PKD1L3: variants seen among roughly 807,000 people sequenced by gnomAD.
PKD1L3 encodes the protein polycystin 1 like 3, transient receptor potential channel interacting.
PKD1L3 carries 239 observed loss-of-function variants against 184.1 expected under a neutral mutation model. The ratio of observed to expected loss-of-function variants is 1.30; its 90% CI spans 1.17 to 1.45. PKD1L3 has a LOEUF of 1.45. Among genes scored for constraint, PKD1L3 ranks in the 40% most tolerant of loss-of-function variants. The pLI is 0.00. For missense variants in PKD1L3, 2,660 were observed against 2,067.2 expected (o/e 1.29, Z -5.56); for synonymous variants, 996 against 778.8 (o/e 1.28, Z -4.64).
Position 71,950,329 on chromosome 16 carries a change from T to C in PKD1L3, c.3191-19A>G, listed in dbSNP as rs539689407. The C allele has an allele frequency of 4.0e-6, 6 of 1,503,626 alleles. No individual in the cohort carries two copies. The African/African-American group carries it at 8.4e-5, about 21-fold the overall frequency. 93.1% of individuals were successfully genotyped at this position (1,503,626 alleles called of 1,614,324 possible). A position where few individuals can be genotyped will look rare whatever the true frequency, so the allele number is the denominator to read the frequency against. ...GGAACAACTGAAAATATATTTCAAG[T>C]TGACACTTTCACAAGTGGATTTCAA... On this transcript the variant is annotated intron_variant, in intron 19 of 29. Coordinates refer to ENST00000620267, the MANE Select transcript of PKD1L3 (RefSeq NM_181536.2).
rs1567518756 is a variant in PKD1L3, at chr16:71,963,216, GA to G, written c.2600del (p.Leu867ProfsTer11). Reference sequence around the variant, plus strand: ...TTTTCCAACAGTACCTAAAGGAAAAGAGCTCTCTCTTTGAAACTGGGATGAA... The same window carrying G: ...TTTTCCAACAGTACCTAAAGGAAAAGGCTCTCTCTTTGAAACTGGGATGAA... Reference protein sequence around the residue: ...RVFIPVSKRELFSFRHLFSSM... With the variant: ...RVFIPVSKREXFSFRHLFSSM... On this transcript the variant is annotated frameshift_variant, in exon 16 of 30. Transcript: ENST00000620267. LOFTEE classifies it high-confidence loss of function. 8 of 1,549,422 alleles carry G rather than the reference GA, an allele frequency of 5.2e-6. No individual in the cohort carries two copies. The highest frequency in any genetic ancestry group is 7.0e-6 in the Non-Finnish European group (8 of 1,145,982).
chr16:71,983,904 C>G (rs975878530), intron 6 of PKD1L3, 132 bp downstream of exon 6: 1 of 1,253,450 alleles, frequency 8.0e-7, no homozygotes, highest in Admixed American at 2.7e-5. Context: ...CTCATGTGAT[C>G]CGCCCGCCTC....
Position 71,984,151 on chromosome 16 carries a change from G to C in PKD1L3, c.851C>G (p.Ala284Gly), listed in dbSNP as rs1339978956. The change falls in exon 6 of 30, where the codon GCA becomes GGA. Residue 284 changes from alanine (A) to glycine (G), a missense_variant. Ala to Gly is a moderately conservative substitution (Grantham distance 60). Transcript: ENST00000620267. The stretch of plus-strand genomic sequence containing the variant: ...ATGAACTGCTCTGCTGAAGTTCCCT[G>C]CTATCTCATCTATGACCTATTGGGA... ...KASGQVIDEI[A>G]GNFSRAVHGL... 1.9e-6 allele frequency: 3 copies of C among 1,551,480 alleles called. No individual in the cohort carries two copies. The highest frequency in any genetic ancestry group is 2.6e-6 in the Non-Finnish European group (3 of 1,146,754).
At chr16:71,957,835 A>G (rs1238310165) in intron 16 of PKD1L3, among the ~76,000 whole-genome samples, 1 of 152,180 alleles carries the variant, frequency 6.6e-6, no homozygotes, top group Non-Finnish European at 1.5e-5. Flanking sequence ...ATAGGACAAA[A>G]TATACTTCAA....
At chr16:71,992,146 T>C (rs1315610415) in intron 3 of PKD1L3, among the ~76,000 whole-genome samples, 1 of 152,102 alleles carries the variant, frequency 6.6e-6, no homozygotes, top group Non-Finnish European at 1.5e-5. Context: ...ATTACAGGTG[T>C]GAGCAAATGT....
intron 22 of PKD1L3, among the ~76,000 whole-genome samples, chr16:71,944,661 G>C (rs2038491538): frequency 6.6e-6 from 1 of 151,832 alleles, no homozygotes; most frequent in African/African-American, 2.4e-5. Context: ...AGGAGTTTGA[G>C]ACCAGCCTGG....
chr16:71,931,178 C>CA (rs1244933877), intron 28 of PKD1L3: 1 of 152,030 alleles, frequency 6.6e-6, no homozygotes, highest in Non-Finnish European at 1.5e-5. Context: ...TTTTTATCCC[C>CA]AAAAGGAGGT....
intron 2 of PKD1L3, among the ~76,000 whole-genome samples, chr16:71,997,062 A>G (rs1168331761): frequency 1.3e-5 from 2 of 151,408 alleles, no homozygotes; most frequent in Non-Finnish European, 2.9e-5. Flanking sequence ...GAGAGAGGAA[A>G]GTGGGAAAGA....
At chr16:71,939,915 A>T (rs2038302596) in intron 24 of PKD1L3, among the ~76,000 whole-genome samples, 1 of 152,204 alleles carries the variant, frequency 6.6e-6, no homozygotes, top group Non-Finnish European at 1.5e-5. Flanking sequence ...GATGAGAGCA[A>T]CAAACTGCTG....
At chr16:71,984,854 G>T (rs951776762) in intron 5 of PKD1L3, among the ~76,000 whole-genome samples, 1 of 152,070 alleles carries the variant, frequency 6.6e-6, no homozygotes, top group African/African-American at 2.4e-5. Flanking sequence ...TCGAGAATCT[G>T]TCTCAAAAAA....
chr16:71,947,673 C>T (rs1382225027), intron 21 of PKD1L3, 82 bp from the exon 22 acceptor site: 4 of 927,186 alleles, frequency 4.3e-6, no homozygotes, highest in East Asian at 2.7e-5. Context: ...AAGAGGTGGG[C>T]ACTCATGAAA....
chr16:71,931,549 CCA>C (rs1291443983), intron 28 of PKD1L3, among the ~76,000 whole-genome samples: 1 of 148,720 alleles, frequency 6.7e-6, no homozygotes, highest in African/African-American at 2.5e-5. Flanking sequence ...ACTGCAACCT[CCA>C]CCTCCCAGGT....
At chr16:71,984,660 A>G (rs1347020909) in intron 5 of PKD1L3, among the ~76,000 whole-genome samples, 3 of 152,208 alleles carry the variant, frequency 2.0e-5, no homozygotes, top group Non-Finnish European at 4.4e-5. Flanking sequence ...GGAGTTCAAG[A>G]GCAACCTGGC....
intron 22 of PKD1L3, among the ~76,000 whole-genome samples, chr16:71,944,519 C>CA (rs1260735642): frequency 1.3e-5 from 2 of 151,602 alleles, no homozygotes; most frequent in South Asian, 2.1e-4. Flanking sequence ...GTTGTCTCTA[C>CA]AAAAAAATAA....
At chr16:71,958,645 G>C (rs1378428515) in intron 16 of PKD1L3, among the ~76,000 whole-genome samples, 5 of 151,168 alleles carry the variant, frequency 3.3e-5, no homozygotes, top group Admixed American at 2.0e-4. Context: ...GCCAGGCGTG[G>C]TGGTGGGCGC....
At chr16:71,953,701 C>G (rs1040675909) in intron 17 of PKD1L3, among the ~76,000 whole-genome samples, 13 of 152,038 alleles carry the variant, frequency 8.6e-5, no homozygotes, top group African/African-American at 2.9e-4. Flanking sequence ...TTAAGCAATT[C>G]AACCATCAGA....
intron 4 of PKD1L3, among the ~76,000 whole-genome samples, chr16:71,989,305 AC>A (rs2040497626): frequency 6.6e-6 from 1 of 152,092 alleles, no homozygotes; most frequent in Admixed American, 6.6e-5. Context: ...CAGGCGCTCC[AC>A]CAAGCCTGGC....
intron 24 of PKD1L3, among the ~76,000 whole-genome samples, chr16:71,939,959 G>C (rs189475356): frequency 1.3e-5 from 2 of 152,138 alleles, no homozygotes; most frequent in South Asian, 4.1e-4. Context: ...CATTGACTTA[G>C]CAAGTTCAAG....
intron 15 of PKD1L3, among the ~76,000 whole-genome samples, chr16:71,963,776 C>G (rs8053861): frequency 0.29 from 42,621 of 148,588 alleles, 6,269 homozygotes; most frequent in South Asian, 0.42. Context: ...GAATGAGACT[C>G]TGTCAAAAAA....
Sources: gnomAD v4.1 joint callset for allele counts (sites outside exome capture counted in the v4.1 genomes callset) on GRCh38, gnomAD v4.1.1 for gene constraint, MANE v1.5 for transcripts, NCBI Gene and HGNC (gene_info 2026-07-23, HGNC 2026-07-21) for gene names.